The following FBXO25 variants were observed in gnomAD, a reference collection of about 807,000 sequenced individuals.
FBXO25 encodes F-box protein 25.
A neutral mutation model predicts 51.9 loss-of-function variants in FBXO25; 45 were observed. That is an observed-to-expected ratio of 0.87 (90% CI 0.68 to 1.11). FBXO25 has a LOEUF of 1.11. Among genes scored for constraint, FBXO25 ranks in the 50% most tolerant of loss-of-function variants. The pLI, the probability that FBXO25 is intolerant of heterozygous loss-of-function variation, is 0.00. For synonymous variants in FBXO25, 199 were observed against 151.0 expected (o/e 1.32, Z -2.33); for missense variants, 507 against 428.5 (o/e 1.18, Z -1.62).
intron 8 of FBXO25, among the ~76,000 whole-genome samples, chr8:462,047 C>T (rs907950101): frequency 6.6e-6 from 1 of 152,152 alleles, no homozygotes; most frequent in African/African-American, 2.4e-5. Flanking sequence ...ATGGTGGATT[C>T]TGTTTAACTT....
intron 9 of FBXO25, chr8:467,871 C>G (rs1189891138): frequency 6.3e-7 from 1 of 1,579,646 alleles, no homozygotes; most frequent in Non-Finnish European, 8.6e-7. Context: ...TGAGCTTTCT[C>G]AGGACCCTGA....
At position 477,293 on chromosome 8, in the gene FBXO25, C is replaced by G. The variant is rs1262674633; in HGVS notation, c.*8489C>G. On this transcript the variant is annotated 3_prime_UTR_variant, in exon 10 of 10. Coordinates refer to ENST00000350302, the MANE Select transcript of FBXO25 (RefSeq NM_183420.2). ...TAGGTCCAGCTGGTATGATGCTGTT[C>G]AAGTTCTGTCTTGCGACTGATCTTC... 1 of 152,218 alleles carries G rather than the reference C, an allele frequency of 6.6e-6. No homozygotes were observed. Among genetic ancestry groups the G allele is most frequent in the Non-Finnish European group, 1.5e-5 (1 of 68,072 alleles). The allele number at this position is 152,218 out of a possible 1,614,324, so 9.4% of individuals were successfully genotyped here. A position where few individuals can be genotyped will look rare whatever the true frequency, so the allele number is the denominator to read the frequency against.
At chr8:444,095 G>C (rs985878778) in intron 5 of FBXO25, among the ~76,000 whole-genome samples, 1 of 152,208 alleles carries the variant, frequency 6.6e-6, no homozygotes, top group African/African-American at 2.4e-5. Context: ...GGGCATTACA[G>C]CATTGAAAGG....
At chr8:459,845 G>T (rs1204451232) in intron 8 of FBXO25, among the ~76,000 whole-genome samples, 1 of 152,180 alleles carries the variant, frequency 6.6e-6, no homozygotes, top group East Asian at 1.9e-4. Flanking sequence ...GGGGGAGCTG[G>T]ACTCTCAAGG....
rs529513401 is a variant in FBXO25, at chr8:471,372, T to C, written c.*2568T>C. The stretch of plus-strand genomic sequence containing the variant: ...AAGATCGGACAACACCAAACAGAGA[T>C]GAGAAGAGAAATCATAGATCTCCAC... On this transcript the variant is annotated 3_prime_UTR_variant, in exon 10 of 10. Coordinates refer to ENST00000350302, the MANE Select transcript of FBXO25 (RefSeq NM_183420.2). 1 of 152,154 alleles carries C rather than the reference T, an allele frequency of 6.6e-6. No individual in the cohort carries two copies. The highest frequency in any genetic ancestry group is 2.4e-5 in the African/African-American group (1 of 41,498). 9.4% of individuals were successfully genotyped at this position (152,154 alleles called of 1,614,324 possible).
In FBXO25 at chr8:435,641, A is replaced by G; in HGVS notation, c.315A>G (p.Glu105=). ...GGCATGGCTATTGCACCTTGGGAGA[A>G]GCCTTTAATCGGTTAGACTTCTCAA... ...KERHGYCTLG[E]AFNRLDFSSA... Residue 105 remains glutamate (E), a synonymous_variant, in exon 5 of 10, where the codon GAA becomes GAG. Coordinates refer to ENST00000350302, the MANE Select transcript of FBXO25 (RefSeq NM_183420.2). The G allele has an allele frequency of 1.9e-6, 3 of 1,606,174 alleles. No individual in the cohort carries two copies. The highest frequency in any genetic ancestry group is 2.3e-4 in the Middle Eastern group (1 of 4,412).
At chr8:447,604 T>C (rs1190007955) in intron 5 of FBXO25, among the ~76,000 whole-genome samples, 1 of 152,208 alleles carries the variant, frequency 6.6e-6, no homozygotes, top group East Asian at 1.9e-4. Flanking sequence ...GGAAGTGTTT[T>C]AGATTTTGGA....
chr8:426,302 A>G (rs188046241), intron 2 of FBXO25, among the ~76,000 whole-genome samples: 117 of 152,270 alleles, frequency 7.7e-4, no homozygotes, highest in African/African-American at 2.6e-3. Flanking sequence ...GATAGTCACT[A>G]TTTAGATGTT....
rs776611984 is a variant in FBXO25, at chr8:474,826, G to C, written c.*6022G>C. 2.3e-6 allele frequency: 1 copy of C among 431,206 alleles called. No homozygotes were observed. Among genetic ancestry groups the C allele is most frequent in the South Asian group, 1.7e-5 (1 of 59,084 alleles). 26.7% of individuals were successfully genotyped at this position (431,206 alleles called of 1,614,324 possible). A position where few individuals can be genotyped will look rare whatever the true frequency, so the allele number is the denominator to read the frequency against. Reference sequence around the variant, plus strand: ...ACTCTGTTTTGTTCTTTGATGTACAGAAGTTGTTTCTTTCTTTTAGTTACC... The same window carrying C: ...ACTCTGTTTTGTTCTTTGATGTACACAAGTTGTTTCTTTCTTTTAGTTACC... On this transcript the variant is annotated 3_prime_UTR_variant, in exon 10 of 10. Transcript: ENST00000350302.
At chr8:422,755 C>A (rs141947766) in intron 2 of FBXO25, among the ~76,000 whole-genome samples, 1 of 152,272 alleles carries the variant, frequency 6.6e-6, no homozygotes, top group African/African-American at 2.4e-5. Context: ...TGTCTGGGGC[C>A]TGCGTCAGCA....
At chr8:422,704 C>G (rs561045604) in intron 2 of FBXO25, among the ~76,000 whole-genome samples, 2 of 152,276 alleles carry the variant, frequency 1.3e-5, no homozygotes, top group East Asian at 1.9e-4. Context: ...AATTAATAGG[C>G]AAGCCAGAGG....
intron 2 of FBXO25, among the ~76,000 whole-genome samples, chr8:414,666 G>A (rs1585001603): frequency 6.6e-6 from 1 of 151,866 alleles, no homozygotes; most frequent in Admixed American, 6.6e-5. Flanking sequence ...TTGCATAACT[G>A]GCTACCCCTC....
intron 5 of FBXO25, among the ~76,000 whole-genome samples, chr8:439,977 T>A (rs1208384905): frequency 6.6e-6 from 1 of 152,204 alleles, no homozygotes; most frequent in Non-Finnish European, 1.5e-5. Flanking sequence ...TTTTTTCAAA[T>A]TTTTTCATAA....
rs931057644 is a variant in FBXO25 at position 473,875 on chromosome 8, G to A, written c.*5071G>A. On this transcript the variant is annotated 3_prime_UTR_variant, in exon 10 of 10. Transcript: ENST00000350302. The stretch of plus-strand genomic sequence containing the variant: ...GAGAAACTTGCACAGATGAAGGCAA[G>A]TTGGTTTTTATTATCTAACCTATGT... 6.6e-6 allele frequency: 1 copy of A among 152,202 alleles called. No homozygotes were observed. Among genetic ancestry groups the A allele is most frequent in the Non-Finnish European group, 1.5e-5 (1 of 68,034 alleles). 9.4% of individuals were successfully genotyped at this position (152,202 alleles called of 1,614,324 possible).
chr8:447,484 GA>G (rs1455946427), intron 5 of FBXO25, among the ~76,000 whole-genome samples: 1 of 152,152 alleles, frequency 6.6e-6, no homozygotes, highest in Non-Finnish European at 1.5e-5. Context: ...AAAAAAACAG[GA>G]AACTCATGAA....
intron 9 of FBXO25, among the ~76,000 whole-genome samples, chr8:464,725 G>A (rs914759816): frequency 6.6e-6 from 1 of 152,200 alleles, no homozygotes; most frequent in South Asian, 2.1e-4. Context: ...AGCAGAGAAT[G>A]TAAAGATGTG....
intron 7 of FBXO25, among the ~76,000 whole-genome samples, chr8:455,530 G>A (rs1207421746): frequency 2.0e-5 from 3 of 152,196 alleles, no homozygotes; most frequent in Non-Finnish European, 4.4e-5. Context: ...GACTGGGCTC[G>A]AGGCTGGACC....
At chr8:461,604 G>C (rs1205973478) in intron 8 of FBXO25, among the ~76,000 whole-genome samples, 1 of 152,104 alleles carries the variant, frequency 6.6e-6, no homozygotes, top group Non-Finnish European at 1.5e-5. Flanking sequence ...GATTTGGCGG[G>C]GGACACAGCT....
At chr8:439,247 C>A (rs1490542301) in intron 5 of FBXO25, among the ~76,000 whole-genome samples, 1 of 152,212 alleles carries the variant, frequency 6.6e-6, no homozygotes, top group Non-Finnish European at 1.5e-5. Flanking sequence ...CCCCCTCGCC[C>A]CTCTGGCAGC....
Sources: allele counts gnomAD v4.1 joint callset (sites outside exome capture counted in the v4.1 genomes callset), GRCh38; gene constraint gnomAD v4.1.1; transcripts MANE v1.5; gene names NCBI Gene and HGNC (gene_info 2026-07-23, HGNC 2026-07-21).